Variants in SCMH1 observed in about 807,000 individuals in gnomAD.
The protein encoded by SCMH1 is polycomb protein SCMH1.
In SCMH1, 37 loss-of-function variants were observed where a neutral mutation model predicts 70.8. That is an observed-to-expected ratio of 0.52 (90% confidence interval 0.40 to 0.69). SCMH1 has a LOEUF of 0.69. SCMH1 is among the 30% of genes least tolerant of loss of function. SCMH1 has a pLI of 0.00. For synonymous variants in SCMH1, 292 were observed against 307.4 expected (o/e 0.95, Z 0.52); for missense variants, 607 against 827.3 (o/e 0.73, Z 3.27).
chr1:41,185,615 C>T (rs915220042), intron 2 of SCMH1, among the ~76,000 whole-genome samples: 30 of 151,828 alleles, frequency 2.0e-4, no homozygotes, highest in Admixed American at 7.9e-4. Flanking sequence ...AATTATTTCT[C>T]ATGTAGCCAA....
At chr1:41,149,357 T>A (rs1644861348) in intron 5 of SCMH1, among the ~76,000 whole-genome samples, 1 of 152,186 alleles carries the variant, frequency 6.6e-6, no homozygotes. Flanking sequence ...CAGTGAGTCT[T>A]TTTAATATCT....
intron 9 of SCMH1, among the ~76,000 whole-genome samples, chr1:41,071,556 G>C (rs570306738): frequency 1.3e-5 from 2 of 152,122 alleles, no homozygotes; most frequent in South Asian, 4.2e-4. Context: ...TAGAATAATA[G>C]AGGAAATAAT....
At chr1:41,130,451 T>C (rs1674373958) in intron 6 of SCMH1, among the ~76,000 whole-genome samples, 1 of 152,118 alleles carries the variant, frequency 6.6e-6, no homozygotes, top group Non-Finnish European at 1.5e-5. Context: ...TCAAATCTAA[T>C]GTCATAAAGC....
chr1:41,202,291 C>T (rs1047590060), intron 1 of SCMH1, among the ~76,000 whole-genome samples: 1 of 152,114 alleles, frequency 6.6e-6, no homozygotes, highest in African/African-American at 2.4e-5. Flanking sequence ...GCCTTGGCCT[C>T]CCAAAGTGCT....
exon 15 of SCMH1, chr1:41,028,070 G>A (rs1393405998): frequency 6.7e-6 from 8 of 1,193,668 alleles, no homozygotes; most frequent in East Asian, 2.3e-5. Flanking sequence ...GCTCCACACA[G>A]CCTCTTGGAG....
intron 1 of SCMH1, among the ~76,000 whole-genome samples, chr1:41,196,981 A>C (rs889133100): frequency 3.4e-4 from 51 of 152,184 alleles, no homozygotes; most frequent in African/African-American, 1.1e-3. Flanking sequence ...GAAATGCAAA[A>C]AATACCTACA....
At chr1:41,228,141 C>A (rs1660620204) in intron 1 of SCMH1, among the ~76,000 whole-genome samples, 1 of 152,152 alleles carries the variant, frequency 6.6e-6, no homozygotes, top group Non-Finnish European at 1.5e-5. Context: ...CTGGAGGGGG[C>A]TATGAGGACA....
At chr1:41,131,646 T>C (rs570079192) in intron 6 of SCMH1, among the ~76,000 whole-genome samples, 9 of 152,242 alleles carry the variant, frequency 5.9e-5, no homozygotes, top group Admixed American at 1.3e-4. Flanking sequence ...GTTGGTTTGC[T>C]GCACCCATCA....
chr1:41,152,042 G>C (rs548956408), intron 4 of SCMH1, among the ~76,000 whole-genome samples: 1 of 152,264 alleles, frequency 6.6e-6, no homozygotes, highest in South Asian at 2.1e-4. Flanking sequence ...GATTCCTTTT[G>C]AACAATCTGA....
At chr1:41,091,249 G>A (rs1378572661) in intron 8 of SCMH1, among the ~76,000 whole-genome samples, 1 of 152,102 alleles carries the variant, frequency 6.6e-6, no homozygotes, top group East Asian at 1.9e-4. Context: ...ATCAACAAAC[G>A]TAATCCATCA....
intron 1 of SCMH1, among the ~76,000 whole-genome samples, chr1:41,225,116 A>G (rs1034671770): frequency 1.3e-5 from 2 of 152,230 alleles, no homozygotes; most frequent in Non-Finnish European, 2.9e-5. Context: ...CTTTTCAATC[A>G]AAACAATTTC....
At chr1:41,188,693 A>C (rs1015198653) in intron 1 of SCMH1, among the ~76,000 whole-genome samples, 2 of 152,186 alleles carry the variant, frequency 1.3e-5, no homozygotes, top group African/African-American at 4.8e-5. Context: ...TAAAACAATC[A>C]CAACAGGCCA....
At chr1:41,121,655 A>G (rs115927102) in intron 6 of SCMH1, among the ~76,000 whole-genome samples, 52 of 152,262 alleles carry the variant, frequency 3.4e-4, no homozygotes, top group African/African-American at 1.2e-3. Context: ...GTCAATTTAT[A>G]TATCTAGCCA....
chr1:41,105,744 G>A (rs957628260), intron 8 of SCMH1, among the ~76,000 whole-genome samples: 2 of 151,874 alleles, frequency 1.3e-5, no homozygotes, highest in African/African-American at 2.4e-5. Flanking sequence ...TCTCTCACCT[G>A]GAATATTATA....
Position 41,152,962 on chromosome 1 carries a change from T to C in SCMH1, c.107-1278A>G, listed in dbSNP as rs142447912. ...TCAACATGACTAGACAGTTAGTCCA[T>C]AGGGCAAATGAGATGACTATTTTCT... On this transcript the variant is annotated intron_variant, in intron 4 of 14. Coordinates refer to ENST00000337495, the Ensembl canonical transcript of SCMH1. 2.1e-4 allele frequency among the ~76,000 whole-genome samples: 32 copies of C among 152,342 alleles called. No homozygotes were observed. In the East Asian group the frequency reaches 5.6e-3, roughly 27 times the overall value.
intron 2 of SCMH1, among the ~76,000 whole-genome samples, chr1:41,165,583 G>T (rs1011629540): frequency 5.9e-5 from 9 of 152,076 alleles, no homozygotes; most frequent in Non-Finnish European, 1.0e-4. Flanking sequence ...CAACCTAAAA[G>T]GTGTTGGCTA....
chr1:41,070,609 A>G (rs1483649152), exon 10 of SCMH1: 2 of 1,613,990 alleles, frequency 1.2e-6, no homozygotes, highest in Admixed American at 1.7e-5. Context: ...TGGGGCCTGC[A>G]TGGCTGAGCT....
At chr1:41,146,038 T>C (rs370502292) in intron 5 of SCMH1, among the ~76,000 whole-genome samples, 1 of 152,026 alleles carries the variant, frequency 6.6e-6, no homozygotes, top group African/African-American at 2.4e-5. Flanking sequence ...CTTTAGGAGG[T>C]ATTCCAGAAG....
chr1:41,049,933 G>A (rs1331792828), intron 10 of SCMH1, among the ~76,000 whole-genome samples: 5 of 151,936 alleles, frequency 3.3e-5, no homozygotes, highest in African/African-American at 1.2e-4. Flanking sequence ...GCATGTGCCT[G>A]TGTTCCCAGC....
Sources: allele counts gnomAD v4.1 joint callset (sites outside exome capture counted in the v4.1 genomes callset), GRCh38; gene constraint gnomAD v4.1.1; transcripts MANE v1.5; gene names NCBI Gene and HGNC (gene_info 2026-07-23, HGNC 2026-07-21).